TRIM48: variants seen among roughly 807,000 people sequenced by gnomAD.
The protein encoded by TRIM48 is E3 ubiquitin-protein ligase TRIM48.
Under a neutral mutation model 29.5 loss-of-function variants are expected in TRIM48, and 31 were observed. The ratio of observed to expected loss-of-function variants is 1.05; its 90% CI spans 0.79 to 1.42. The LOEUF (loss-of-function observed/expected upper bound fraction) is 1.42, where lower values mean the gene tolerates loss of function less well. TRIM48 is among the 40% of genes most tolerant of loss of function. TRIM48 has a pLI of 0.00. For missense variants in TRIM48, 344 were observed against 265.0 expected, an observed-to-expected ratio of 1.30 and a Z score of -2.07; for synonymous variants, 128 against 90.6, an observed-to-expected ratio of 1.41 and a Z score of -2.34.
intron 1 of TRIM48, among the ~76,000 whole-genome samples, chr11:55,263,002 C>T (rs772202690): frequency 1.6e-4 from 24 of 152,138 alleles, no homozygotes; most frequent in Middle Eastern, 6.8e-3. Context: ...ACGAAAAGGA[C>T]TTAAAATTGC....
In TRIM48 at chr11:55,266,402, T is replaced by A. The variant is rs376202593; in HGVS notation, c.555+707T>A. On this transcript the variant is annotated intron_variant, in intron 3 of 5. Transcript: ENST00000417545. ...CTAATATTAGTGTGTTGAAAAGTAT[T>A]TCATAAGAACCTAGTCTATGTTGAA... Among the ~76,000 whole-genome samples the A allele has an allele frequency of 1.2e-4, 18 of 147,682 alleles. 1 individual carries two copies. In the East Asian group the frequency reaches 1.7e-3, roughly 14 times the overall value.
chr11:55,267,566 A>T lies in TRIM48; in HGVS notation c.556-784A>T. The T allele has an allele frequency of 6.4e-6, 10 of 1,566,466 alleles. 1 individual carries two copies. The highest frequency in any genetic ancestry group is 8.7e-6 in the Non-Finnish European group (10 of 1,153,632). The stretch of plus-strand genomic sequence containing the variant: ...AAGTAAAGCCAAAATGGCTCATAGG[A>T]GGGAGATTTTTAAGAGGAATGTAAG... On this transcript the variant is annotated intron_variant, in intron 3 of 5. Transcript: ENST00000417545.
rs1313454910 is a variant in TRIM48 at position 55,265,092 on chromosome 11, C to A, written c.237C>A (p.Asn79Lys). The A allele has an allele frequency of 2.5e-6, 4 of 1,583,110 alleles. 1 individual carries two copies. In the South Asian group the frequency reaches 3.6e-5, roughly 14 times the overall value. ...GCATAAAGACAATACAGCAGAGAAACCTCAAAACTAACATTCGATTGAAGA... is the reference window on the plus strand; with the variant it reads ...GCATAAAGACAATACAGCAGAGAAAACTCAAAACTAACATTCGATTGAAGA... ...FECIKTIQQRNLKTNIRLKKM... is the reference protein window; with the variant it reads ...FECIKTIQQRKLKTNIRLKKM... The change falls in exon 2 of 6, where the codon AAC (asparagine) becomes AAA (lysine). Residue 79 changes from asparagine (N) to lysine (K), a missense_variant. Coordinates refer to ENST00000417545, the MANE Select transcript of TRIM48 (RefSeq NM_024114.5).
At chr11:55,267,060 A>T (rs1565078485) in intron 3 of TRIM48, among the ~76,000 whole-genome samples, 1 of 148,064 alleles carries the variant, frequency 6.8e-6, no homozygotes, top group Non-Finnish European at 1.5e-5. Context: ...AATAGAAATA[A>T]TTATTTCCTT....
chr11:55,270,707 T>C lies in TRIM48; in HGVS notation c.*272T>C. On this transcript the variant is annotated 3_prime_UTR_variant, in exon 6 of 6. Transcript: ENST00000417545. ...GGCAATATATATGGAGAGGAGGGAC[T>C]CTTTAGTCTTGGGTGTGTTAAGAAC... 3 of 1,567,238 alleles carry C rather than the reference T, an allele frequency of 1.9e-6. 1 individual carries two copies. The highest frequency in any genetic ancestry group is 1.2e-5 in the South Asian group (1 of 83,038).
chr11:55,267,845 A>T (rs557626534), intron 3 of TRIM48, among the ~76,000 whole-genome samples: 1 of 147,932 alleles, frequency 6.8e-6, no homozygotes, highest in Admixed American at 6.9e-5. Flanking sequence ...TCCACCAGCC[A>T]CAAAACTTTG....
At position 55,270,592 on chromosome 11, in the gene TRIM48, G is replaced by C. The variant is rs939933715; in HGVS notation, c.*157G>C. 74 of 1,583,116 alleles carry C rather than the reference G, an allele frequency of 4.7e-5. 9 individuals are homozygous for C. Among genetic ancestry groups the C allele is most frequent in the Non-Finnish European group, 6.3e-5 (73 of 1,165,616 alleles). Reference sequence around the variant, plus strand: ...ATGGGGTGCTCAGACTTTCACCTCTGGCAAATATTACTGGGAGGTCCATGT... The same window carrying C: ...ATGGGGTGCTCAGACTTTCACCTCTCGCAAATATTACTGGGAGGTCCATGT... On this transcript the variant is annotated 3_prime_UTR_variant, in exon 6 of 6. Transcript: ENST00000417545.
chr11:55,267,993 T>G (rs1354802471), intron 3 of TRIM48, among the ~76,000 whole-genome samples: 1 of 147,736 alleles, frequency 6.8e-6, no homozygotes, highest in African/African-American at 2.5e-5. Context: ...AGATCAGAAG[T>G]TTTGGGAATC....
At chr11:55,265,539 A>G in intron 2 of TRIM48, 61 bp from the exon 3 acceptor site, 1 of 1,548,928 alleles carries the variant, frequency 6.5e-7, no homozygotes, top group Non-Finnish European at 8.8e-7. Flanking sequence ...CCTCCCAATG[A>G]AACGGTCTGT....
rs369371647 is a variant in TRIM48 at position 55,262,229 on chromosome 11, C to T, written c.-39C>T. 1,433 of 1,529,778 alleles carry T rather than the reference C, an allele frequency of 9.4e-4. 1 individual carries two copies. The highest frequency in any genetic ancestry group is 1.2e-3 in the Non-Finnish European group (1,370 of 1,129,132). 94.8% of individuals were successfully genotyped at this position (1,529,778 alleles called of 1,614,324 possible). On this transcript the variant is annotated 5_prime_UTR_variant, in exon 1 of 6. Coordinates refer to ENST00000417545, the MANE Select transcript of TRIM48 (RefSeq NM_024114.5). ...TGACCTCTGAAACTCAGTACTGCAG[C>T]GAATGAGCTCCTGACCTTGAGGAGT... is the stretch of plus-strand genomic sequence containing the variant.
intron 1 of TRIM48, among the ~76,000 whole-genome samples, chr11:55,262,877 A>G (rs1235449404): frequency 6.6e-6 from 1 of 152,152 alleles, no homozygotes; most frequent in Admixed American, 6.6e-5. Context: ...TAATCTTATT[A>G]AACTATGAAA....
chr11:55,270,844 G>T lies in TRIM48; in HGVS notation c.*409G>T, dbSNP rs569618460. 8.3e-6 allele frequency: 13 copies of T among 1,570,796 alleles called. 2 individuals are homozygous for T. Among genetic ancestry groups the T allele is most frequent in the Admixed American group, 3.4e-5 (2 of 58,182 alleles). ...TTGTGAAGCTAGAACTGTGAGCTTC[G>T]TTGATGTTAGTCAAAGCTCCCCTAT... On this transcript the variant is annotated 3_prime_UTR_variant, in exon 6 of 6. Transcript: ENST00000417545.
chr11:55,268,375 G>T lies in TRIM48; in HGVS notation c.578+3G>T. On this transcript the variant is annotated splice_donor_region_variant and intron_variant, in intron 4 of 5. Transcript: ENST00000417545. ...GCTTTTGGAGACATATTATACAGGT[G>T]AGTATGTACCTGGATTTTAGCATAT... is the stretch of plus-strand genomic sequence containing the variant. 6.4e-7 allele frequency: 1 copy of T among 1,551,732 alleles called. No individual in the cohort carries two copies. The highest frequency in any genetic ancestry group is 8.8e-7 in the Non-Finnish European group (1 of 1,142,262).
chr11:55,269,915 C>T (rs188522930), intron 5 of TRIM48, among the ~76,000 whole-genome samples: 2 of 147,782 alleles, frequency 1.4e-5, no homozygotes, highest in African/African-American at 4.9e-5. Context: ...CCAGCTTCAG[C>T]CCCAAGCTAA....
At chr11:55,268,074 G>T (rs1433665985) in intron 3 of TRIM48, among the ~76,000 whole-genome samples, 1 of 147,592 alleles carries the variant, frequency 6.8e-6, no homozygotes, top group Non-Finnish European at 1.5e-5. Flanking sequence ...TGACCGAGTA[G>T]GTTATTCGAG....
In TRIM48 at chr11:55,270,487, G is replaced by A; in HGVS notation, c.*52G>A. The A allele has an allele frequency of 1.9e-6, 3 of 1,568,038 alleles. 1 individual carries two copies. Among genetic ancestry groups the A allele is most frequent in the Non-Finnish European group, 2.6e-6 (3 of 1,154,944 alleles). On this transcript the variant is annotated 3_prime_UTR_variant, in exon 6 of 6. Transcript: ENST00000417545. ...AGCCAACAGTCATATCTTCCGATGT[G>A]GAGATTTGAGAAGCATTTGTATTGG...
chr11:55,269,204 T>C (rs1471420136), intron 4 of TRIM48, 38 bp from the exon 5 acceptor site: 1 of 1,561,754 alleles, frequency 6.4e-7, no homozygotes, highest in African/African-American at 1.4e-5. Context: ...ATTTATTTTA[T>C]GGCTGTAGAT....
Position 55,265,622 on chromosome 11 carries a change from A to C in TRIM48, c.482A>C (p.Gln161Pro). The C allele has an allele frequency of 6.3e-7, 1 of 1,582,156 alleles. No individual in the cohort carries two copies. Residue 161 changes from glutamine (Q) to proline (P), a missense_variant, in exon 3 of 6, where the codon CAG becomes CCG. Physicochemically the swap from Gln to Pro is moderately conservative, Grantham distance 76. Coordinates refer to ENST00000417545, the MANE Select transcript of TRIM48 (RefSeq NM_024114.5). ...EHWEKLLKKM[Q>P]SLWEKACENQ... is the part of the protein sequence containing the mutation. ...CAGGAGAAGCTTTTAAAGAAAATGC[A>C]GTCTTTATGGGAAAAAGCTTGTGAA...
In TRIM48 at chr11:55,265,696, G is replaced by T. The variant is rs371611905; in HGVS notation, c.555+1G>T. On this transcript the variant is annotated splice_donor_variant, in intron 3 of 5. Coordinates refer to ENST00000417545, the MANE Select transcript of TRIM48 (RefSeq NM_024114.5). LOFTEE classifies it high-confidence loss of function. ...AACCACCAGAATCAGCCACTGGAAG[G>T]TTAGTCCTGTAATACCCTACCTTCT... is the stretch of plus-strand genomic sequence containing the variant. 5.6e-5 allele frequency: 89 copies of T among 1,576,954 alleles called. 18 individuals are homozygous for T. In the South Asian group the frequency reaches 8.4e-4, roughly 15 times the overall value.
Sources: allele counts gnomAD v4.1 joint callset (sites outside exome capture counted in the v4.1 genomes callset), GRCh38; gene constraint gnomAD v4.1.1; transcripts MANE v1.5; gene names NCBI Gene and HGNC (gene_info 2026-07-23, HGNC 2026-07-21).